PDE1C: variants seen among roughly 807,000 people sequenced by gnomAD.
The protein encoded by PDE1C is dual specificity calcium/calmodulin-dependent 3',5'-cyclic nucleotide phosphodiesterase 1C.
Under a neutral mutation model 93.1 loss-of-function variants are expected in PDE1C, and 62 were observed. That is an observed-to-expected ratio of 0.67 (90% confidence interval 0.54 to 0.82). The LOEUF (loss-of-function observed/expected upper bound fraction) is 0.82. PDE1C is among the 40% of genes least tolerant of loss of function. The pLI is 0.00. For missense variants in PDE1C, 742 were observed against 884.6 expected, an observed-to-expected ratio of 0.84 and a Z score of 2.04; for synonymous variants, 325 against 310.1, an observed-to-expected ratio of 1.05 and a Z score of -0.50.
At chr7:32,237,356 T>A (rs969463390) in intron 1 of PDE1C, among the ~76,000 whole-genome samples, 14 of 152,010 alleles carry the variant, frequency 9.2e-5, no homozygotes, top group Admixed American at 9.2e-4. Context: ...CATGTAATAT[T>A]CTTAAAAATA....
At chr7:31,869,650 A>G (rs1381951157) in intron 6 of PDE1C, among the ~76,000 whole-genome samples, 1 of 152,122 alleles carries the variant, frequency 6.6e-6, no homozygotes, top group Non-Finnish European at 1.5e-5. Flanking sequence ...TAAAGAAGAG[A>G]GAGACTCTAA....
chr7:31,899,772 C>T (rs1799751813), intron 2 of PDE1C, among the ~76,000 whole-genome samples: 1 of 152,106 alleles, frequency 6.6e-6, no homozygotes, highest in Non-Finnish European at 1.5e-5. Context: ...TTCATTTTGC[C>T]CAAAGGCTTT....
At chr7:32,354,048 C>T (rs1039361298) in intron 1 of PDE1C, among the ~76,000 whole-genome samples, 1 of 152,176 alleles carries the variant, frequency 6.6e-6, no homozygotes, top group Admixed American at 6.5e-5. Context: ...TTGCATTTGC[C>T]TGTTTTCTTT....
At chr7:31,755,387 G>A (rs2128598201) in intron 17 of PDE1C, among the ~76,000 whole-genome samples, 1 of 152,268 alleles carries the variant, frequency 6.6e-6, no homozygotes, top group South Asian at 2.1e-4. Context: ...GACCAACGAA[G>A]TCACTACAAA....
intron 11 of PDE1C, among the ~76,000 whole-genome samples, chr7:31,836,628 A>C (rs1791146202): frequency 2.0e-5 from 3 of 152,098 alleles, no homozygotes; most frequent in African/African-American, 4.8e-5. Context: ...CCACTGCACC[A>C]GACCGATCCT....
intron 1 of PDE1C, among the ~76,000 whole-genome samples, chr7:32,242,610 T>C (rs1336010702): frequency 6.6e-6 from 1 of 152,088 alleles, no homozygotes; most frequent in Non-Finnish European, 1.5e-5. Context: ...GGAGGTAGCA[T>C]ATAGGTAACC....
Position 31,965,725 on chromosome 7 carries a change from A to T in PDE1C, c.129-84865T>A, listed in dbSNP as rs547252358. 4.5e-4 allele frequency among the ~76,000 whole-genome samples: 68 copies of T among 152,374 alleles called. 1 individual carries two copies. In the East Asian group the frequency reaches 0.01, roughly 23 times the overall value. On this transcript the variant is annotated intron_variant, in intron 2 of 17. Coordinates refer to ENST00000396191, the MANE Select transcript of PDE1C (RefSeq NM_001191057.4). ...GCCAGAGAGAAAGGTCGGGTTACCC[A>T]CAAAGGGAAGCCCATCAGACTAACA...
At chr7:32,342,286 A>AT (rs1461876325) in intron 1 of PDE1C, among the ~76,000 whole-genome samples, 1 of 152,216 alleles carries the variant, frequency 6.6e-6, no homozygotes, top group East Asian at 1.9e-4. Flanking sequence ...GACACGCAGA[A>AT]TTTTATATGT....
chr7:31,824,911 G>C lies in PDE1C; in HGVS notation c.1362C>G (p.Ile454Met), dbSNP rs564932801. The C allele has an allele frequency of 1.2e-6, 2 of 1,613,162 alleles. No homozygotes were observed. Among genetic ancestry groups the C allele is most frequent in the Admixed American group, 1.7e-5 (1 of 59,936 alleles). The part of the protein sequence containing the change: ...DMTEKIVSPL[I>M]DETSQTGGTG... ...TCCCACCAGTTTGAGAGGTTTCATC[G>C]ATTAATGGACTCACAATCTTCTCGG... The change falls in exon 13 of 18, where the codon ATC becomes ATG. Residue 454 changes from isoleucine (I) to methionine (M), a missense_variant. Ile to Met is a conservative substitution (Grantham distance 10). Around this residue, in one of 4 missense-constraint regions of PDE1C, gnomAD observed 454 missense variants for 459.4 expected, o/e 0.99. Coordinates refer to ENST00000396191, the MANE Select transcript of PDE1C (RefSeq NM_001191057.4).
rs183300553 is a variant in PDE1C at position 32,162,114 on chromosome 7, A to G, written c.308+7671T>C. Among the ~76,000 whole-genome samples the G allele has an allele frequency of 2.2e-3, 334 of 152,320 alleles. 2 individuals carry two copies. The highest frequency in any genetic ancestry group is 7.8e-3 in the African/African-American group (325 of 41,574). On this transcript the variant is annotated intron_variant, in intron 3 of 18. Coordinates refer to the PDE1C transcript ENST00000396193. ...CAATGAAAACAATCATATTTTGAGGATAATTACAATTTTATCCTTATGTTG... is the reference window on the plus strand; with the variant it reads ...CAATGAAAACAATCATATTTTGAGGGTAATTACAATTTTATCCTTATGTTG...
intron 1 of PDE1C, among the ~76,000 whole-genome samples, chr7:32,261,686 A>C (rs1810212535): frequency 6.6e-6 from 1 of 152,226 alleles, no homozygotes; most frequent in African/African-American, 2.4e-5. Flanking sequence ...GAATTAAGTC[A>C]ACTTTGATTT....
the PDE1C span, among the ~76,000 whole-genome samples, chr7:31,646,492 A>G: frequency 6.6e-6 from 1 of 152,156 alleles, no homozygotes; most frequent in Non-Finnish European, 1.5e-5. Context: ...CCAGAGCCAG[A>G]TTCCTCATGG....
intron 2 of PDE1C, among the ~76,000 whole-genome samples, chr7:32,045,366 G>A (rs1241882986): frequency 2.0e-5 from 3 of 152,092 alleles, no homozygotes; most frequent in African/African-American, 7.2e-5. Flanking sequence ...GATTCAGGTG[G>A]CAATCTTGGA....
intron 2 of PDE1C, among the ~76,000 whole-genome samples, chr7:31,898,004 GA>G (rs1799514635): frequency 6.7e-6 from 1 of 150,370 alleles, no homozygotes; most frequent in Admixed American, 6.6e-5. Flanking sequence ...CTAAGTAACA[GA>G]AGGGTTTGGT....
intron 17 of PDE1C, among the ~76,000 whole-genome samples, chr7:31,766,256 C>T (rs541883667): frequency 4.6e-5 from 7 of 151,728 alleles, no homozygotes; most frequent in Non-Finnish European, 1.0e-4. Context: ...TGGTGGCGGG[C>T]GACTGTAGTC....
the PDE1C span, among the ~76,000 whole-genome samples, chr7:31,618,652 C>A: frequency 7.1e-6 from 1 of 140,222 alleles, no homozygotes; most frequent in South Asian, 2.2e-4. Context: ...AATGTAGAAA[C>A]CCATAATTAT....
At chr7:32,330,006 G>A (rs532940159) in intron 1 of PDE1C, among the ~76,000 whole-genome samples, 5 of 152,328 alleles carry the variant, frequency 3.3e-5, no homozygotes, top group East Asian at 3.9e-4. Flanking sequence ...CTCAGCAGAC[G>A]TTGCCCTGAA....
chr7:32,216,302 C>T lies in PDE1C; in HGVS notation c.86-6763G>A, dbSNP rs146869521. On this transcript the variant is annotated intron_variant, in intron 1 of 18. Transcript: ENST00000396193. ...GCCCCCTTCCTCTAGTCCCCATCCC[C>T]CTATCCTAGTTTAATCCTCGCTACA... is the stretch of plus-strand genomic sequence containing the variant. Among the ~76,000 whole-genome samples, 4 of 152,246 alleles carry T rather than the reference C, an allele frequency of 2.6e-5. No homozygotes were observed. In the East Asian group the frequency reaches 7.7e-4, roughly 29 times the overall value.
At chr7:32,163,393 T>G (rs1802038792) in intron 3 of PDE1C, among the ~76,000 whole-genome samples, 1 of 151,958 alleles carries the variant, frequency 6.6e-6, no homozygotes, top group Non-Finnish European at 1.5e-5. Flanking sequence ...TGAGGATGAG[T>G]TCAACGATTT....
Sources: allele counts gnomAD v4.1 joint callset (sites outside exome capture counted in the v4.1 genomes callset), GRCh38; gene constraint gnomAD v4.1.1; regional missense constraint gnomAD v4.1.1; transcripts MANE v1.5; gene names NCBI Gene and HGNC (gene_info 2026-07-23, HGNC 2026-07-21).